The following ODAD4 variants were observed in gnomAD, a reference collection of about 807,000 sequenced individuals.
ODAD4 encodes outer dynein arm docking complex subunit 4.
A neutral mutation model predicts 51.8 loss-of-function variants in ODAD4; 49 were observed. That is an observed-to-expected ratio of 0.95 (90% CI 0.75 to 1.20). ODAD4 has a LOEUF of 1.20. ODAD4 is among the 50% of genes most tolerant of loss of function. The pLI, the probability that ODAD4 is intolerant of heterozygous loss-of-function variation, is 0.00. For missense variants in ODAD4, 590 were observed against 586.5 expected (o/e 1.01, Z -0.06); for synonymous variants, 235 against 221.3 (o/e 1.06, Z -0.55).
rs956598397 is a variant in ODAD4 at position 41,962,816 on chromosome 17, C to G, written c.1528+1350C>G. Among the ~76,000 whole-genome samples the G allele has an allele frequency of 3.9e-5, 6 of 152,346 alleles. 1 individual carries two copies. Among genetic ancestry groups the G allele is most frequent in the Middle Eastern group, 6.8e-3 (2 of 294 alleles). Reference sequence around the variant, plus strand: ...AGTGAACAGAGCTGGGGCTGGAGGTCCGGGAGGACAGAGCCCAATGCAGAT... The same window carrying G: ...AGTGAACAGAGCTGGGGCTGGAGGTGCGGGAGGACAGAGCCCAATGCAGAT... On this transcript the variant is annotated intron_variant, in intron 11 of 11. Coordinates refer to ENST00000377540, the MANE Select transcript of ODAD4 (RefSeq NM_031421.5).
chr17:41,939,812 C>T (rs782021804), intron 7 of ODAD4, among the ~76,000 whole-genome samples: 11 of 152,088 alleles, frequency 7.2e-5, no homozygotes, highest in Non-Finnish European at 1.6e-4. Context: ...ATCAAGAGCA[C>T]GGGCTGTGGA....
intron 8 of ODAD4, 42 bp downstream of exon 8, chr17:41,945,264 G>T: frequency 1.4e-6 from 2 of 1,464,964 alleles, no homozygotes; most frequent in South Asian, 2.4e-5. Flanking sequence ...TCCATGGTTA[G>T]AACTTCTCAC....
In ODAD4 at chr17:41,939,005, T is replaced by C; in HGVS notation, c.891T>C (p.Ala297=). The C allele has an allele frequency of 6.2e-7, 1 of 1,612,620 alleles. No individual in the cohort carries two copies. The highest frequency in any genetic ancestry group is 1.3e-5 in the African/African-American group (1 of 74,996). The change falls in exon 7 of 12, where the codon GCT becomes GCC. Residue 297 remains alanine (A), a synonymous_variant. Transcript: ENST00000377540. ...GTGCTGAAGGGAGTCTTCAGAAAGC[T>C]GAGAAAGTGCTGAAGAAGGTACTGG... ...SGSAEGSLQK[A]EKVLKKVLEW... is the part of the protein sequence containing the mutation.
At chr17:41,964,667 C>T (rs1248035021) in intron 11 of ODAD4, among the ~76,000 whole-genome samples, 9 of 151,802 alleles carry the variant, frequency 5.9e-5, no homozygotes, top group Non-Finnish European at 1.0e-4. Flanking sequence ...TTTTTGGAGA[C>T]GGGTCTTGCT....
intron 10 of ODAD4, 100 bp downstream of exon 10, chr17:41,955,417 G>A (rs972865450): frequency 5.3e-5 from 34 of 644,648 alleles, no homozygotes; most frequent in Middle Eastern, 8.0e-4. Context: ...TTCCACAGCC[G>A]TTTTTTTGTT....
chr17:41,944,444 A>ACACACAC lies in ODAD4; in HGVS notation c.1059-691_1059-690insACACACC, dbSNP rs1191101800. ...CACACACACACACACACACACACAC[A>ACACACAC]CCCCCCCGCATACACAGAAATTGCC... On this transcript the variant is annotated intron_variant, in intron 7 of 11. Coordinates refer to ENST00000377540, the MANE Select transcript of ODAD4 (RefSeq NM_031421.5). 7.4e-3 allele frequency among the ~76,000 whole-genome samples: 144 copies of ACACACAC among 19,510 alleles called. 2 individuals carry two copies. The highest frequency in any genetic ancestry group is 0.013 in the East Asian group (4 of 306). 12.8% of individuals were successfully genotyped at this position (19,510 alleles called of 152,430 possible).
chr17:41,952,935 C>G (rs2050679195), intron 9 of ODAD4, among the ~76,000 whole-genome samples: 1 of 151,958 alleles, frequency 6.6e-6, no homozygotes, highest in South Asian at 2.1e-4. Context: ...CGGGGTCTCC[C>G]TATGTTGTCC....
intron 10 of ODAD4, among the ~76,000 whole-genome samples, chr17:41,956,575 A>G (rs1393196611): frequency 3.3e-5 from 5 of 149,854 alleles, no homozygotes; most frequent in Admixed American, 6.7e-5. Context: ...ACTCGGCAAC[A>G]TGGCGAAACC....
At chr17:41,962,900 GCGGGAGGTTTCTGGGCAC>G (rs1174847533) in intron 11 of ODAD4, among the ~76,000 whole-genome samples, 6 of 152,232 alleles carry the variant, frequency 3.9e-5, no homozygotes, top group Non-Finnish European at 8.8e-5. Flanking sequence ...AGGCAGGGCA[GCGGGAGGTTTCTGGGCAC>G]CTGAGCAGCC....
intron 1 of ODAD4, among the ~76,000 whole-genome samples, chr17:41,932,294 C>T (rs535920471): frequency 6.6e-6 from 1 of 152,188 alleles, no homozygotes; most frequent in East Asian, 1.9e-4. Context: ...ATCTCGAACT[C>T]CCCACCTCAG....
rs1415740909 is a variant in ODAD4 at position 41,955,332 on chromosome 17, C to T, written c.1443+15C>T. 1.3e-6 allele frequency: 1 copy of T among 768,648 alleles called. No homozygotes were observed. Among genetic ancestry groups the T allele is most frequent in the African/African-American group, 1.7e-5 (1 of 59,098 alleles). 47.6% of individuals were successfully genotyped at this position (768,648 alleles called of 1,614,324 possible). A position where few individuals can be genotyped will look rare whatever the true frequency, so the allele number is the denominator to read the frequency against. On this transcript the variant is annotated intron_variant, in intron 10 of 11. Transcript: ENST00000377540. ...CCATCATCAGTGTGAGCCTTTCCAC[C>T]CGCCGGGCTTCGGGTGTCAGGAGTG...
At chr17:41,934,034 C>CTT (rs2050388884) in intron 1 of ODAD4, among the ~76,000 whole-genome samples, 1 of 60,474 alleles carries the variant, frequency 1.7e-5, no homozygotes, top group Non-Finnish European at 3.3e-5. Flanking sequence ...TTTTTTCTTT[C>CTT]TTTCTTTTTT....
At chr17:41,962,740 G>A (rs2050822646) in intron 11 of ODAD4, among the ~76,000 whole-genome samples, 1 of 152,228 alleles carries the variant, frequency 6.6e-6, no homozygotes, top group Non-Finnish European at 1.5e-5. Flanking sequence ...TAGTGACACA[G>A]ACAGCCTTTT....
At position 41,965,499 on chromosome 17, in the gene ODAD4, T is replaced by C; in HGVS notation, c.*16T>C. Reference sequence around the variant, plus strand: ...ATATGAATGAAGCCATCGGTAGAGATGAGGATCAGGAAGCTGGTGTTCAGA... The same window carrying C: ...ATATGAATGAAGCCATCGGTAGAGACGAGGATCAGGAAGCTGGTGTTCAGA... On this transcript the variant is annotated 3_prime_UTR_variant, in exon 12 of 12. Transcript: ENST00000377540. 1.3e-6 allele frequency: 1 copy of C among 753,598 alleles called. No homozygotes were observed. The allele number at this position is 753,598 out of a possible 1,614,324, so 46.7% of individuals were successfully genotyped here.
chr17:41,934,879 G>A (rs1386732770), intron 1 of ODAD4, among the ~76,000 whole-genome samples: 1 of 152,176 alleles, frequency 6.6e-6, no homozygotes, highest in Non-Finnish European at 1.5e-5. Context: ...TGCCTGAGGG[G>A]ACTGAGGGGC....
At chr17:41,932,399 T>C (rs997564452) in intron 1 of ODAD4, among the ~76,000 whole-genome samples, 1 of 152,040 alleles carries the variant, frequency 6.6e-6, no homozygotes, top group Non-Finnish European at 1.5e-5. Flanking sequence ...TTAGGAAATA[T>C]ACAGAAGTTG....
chr17:41,936,791 C>A lies in ODAD4; in HGVS notation c.489C>A (p.Pro163=). The A allele has an allele frequency of 6.2e-7, 1 of 1,613,986 alleles. No homozygotes were observed. Among genetic ancestry groups the A allele is most frequent in the Non-Finnish European group, 8.5e-7 (1 of 1,179,892 alleles). Residue 163 remains proline, a synonymous_variant, in exon 5 of 12, where the codon CCC becomes CCA. Transcript: ENST00000377540. ...ENIKAQQKPQ[P]MKHLLHPTKG... ...TAAAAGCCCAGCAGAAGCCTCAGCC[C>A]ATGAAACACCTCTTACACCCCACCA...
chr17:41,964,494 G>A (rs184498991), intron 11 of ODAD4, among the ~76,000 whole-genome samples: 1 of 152,324 alleles, frequency 6.6e-6, no homozygotes, highest in Admixed American at 6.5e-5. Context: ...GCTGGGCTCA[G>A]TCAATGATGG....
chr17:41,941,007 C>T (rs1168985970), intron 7 of ODAD4, among the ~76,000 whole-genome samples: 3 of 152,148 alleles, frequency 2.0e-5, no homozygotes, highest in Non-Finnish European at 4.4e-5. Flanking sequence ...TTCCCAGATA[C>T]CTCCTTCCCC....
Sources: allele counts gnomAD v4.1 joint callset (sites outside exome capture counted in the v4.1 genomes callset), GRCh38; gene constraint gnomAD v4.1.1; transcripts MANE v1.5; gene names NCBI Gene and HGNC (gene_info 2026-07-23, HGNC 2026-07-21).